GALNTL6: variants seen among roughly 807,000 people sequenced by gnomAD.
The protein encoded by GALNTL6 is polypeptide N-acetylgalactosaminyltransferase-like 6.
In GALNTL6, 46 loss-of-function variants were observed where a neutral mutation model predicts 73.7. That is an observed-to-expected ratio of 0.62 (90% CI 0.49 to 0.80). GALNTL6 has a LOEUF of 0.80. Ranked by LOEUF, GALNTL6 falls within the 30% of genes least tolerant of loss-of-function variation. The probability of loss-of-function intolerance (pLI) is 0.00; values close to 1 mark genes in which losing one functional copy is unlikely to be tolerated. For synonymous variants in GALNTL6, 259 were observed against 263.7 expected, an observed-to-expected ratio of 0.98 and a Z score of 0.17; for missense variants, 604 against 755.0, an observed-to-expected ratio of 0.80 and a Z score of 2.34.
At chr4:172,162,425 T>G (rs1734499868) in intron 2 of GALNTL6, among the ~76,000 whole-genome samples, 1 of 152,006 alleles carries the variant, frequency 6.6e-6, no homozygotes, top group African/African-American at 2.4e-5. Flanking sequence ...ACAGTATCAT[T>G]GCTTCCTGGT....
intron 5 of GALNTL6, among the ~76,000 whole-genome samples, chr4:172,408,042 C>G (rs879297266): frequency 1.9e-4 from 29 of 151,978 alleles, no homozygotes; most frequent in Non-Finnish European, 3.8e-4. Context: ...CTTTTTCTTG[C>G]TAATACATAA....
intron 2 of GALNTL6, among the ~76,000 whole-genome samples, chr4:171,997,377 C>T (rs183584570): frequency 4.6e-5 from 7 of 152,062 alleles, no homozygotes; most frequent in South Asian, 2.1e-4. Flanking sequence ...CCTTGATTTA[C>T]GATGGGGTTA....
chr4:172,952,315 T>A, intron 10 of GALNTL6, 57 bp downstream of exon 10: 1 of 1,248,778 alleles, frequency 8.0e-7, no homozygotes, highest in South Asian at 1.3e-5. Flanking sequence ...GCCTCCCCCA[T>A]AGCCTCAGGT....
intron 2 of GALNTL6, among the ~76,000 whole-genome samples, chr4:171,980,616 C>T (rs1410287464): frequency 2.0e-5 from 3 of 152,118 alleles, no homozygotes; most frequent in Non-Finnish European, 4.4e-5. Flanking sequence ...ATGAAGAAGG[C>T]GACATCAAAC....
intron 5 of GALNTL6, among the ~76,000 whole-genome samples, chr4:172,744,433 AC>A (rs1736977010): frequency 6.6e-6 from 1 of 151,930 alleles, no homozygotes; most frequent in Admixed American, 6.6e-5. Context: ...GGAAACTGGA[AC>A]CCCCTTAAAT....
At chr4:172,302,070 G>A (rs565951743) in intron 3 of GALNTL6, among the ~76,000 whole-genome samples, 11 of 152,166 alleles carry the variant, frequency 7.2e-5, no homozygotes, top group South Asian at 4.1e-4. Flanking sequence ...CAGCAATGGC[G>A]GGCACCCCTT....
intron 5 of GALNTL6, among the ~76,000 whole-genome samples, chr4:172,407,740 A>G (rs930015070): frequency 2.6e-5 from 4 of 152,148 alleles, no homozygotes; most frequent in East Asian, 1.9e-4. Context: ...AAGTAACCAT[A>G]TACATCATTA....
chr4:171,961,015 A>T (rs564973886), intron 2 of GALNTL6, among the ~76,000 whole-genome samples: 1 of 152,160 alleles, frequency 6.6e-6, no homozygotes, highest in South Asian at 2.1e-4. Context: ...CTTTCTTGTG[A>T]GAGATCCAAG....
chr4:172,302,551 A>G (rs7678361), intron 3 of GALNTL6, among the ~76,000 whole-genome samples: 2,752 of 152,248 alleles, frequency 0.018, 88 homozygotes, highest in African/African-American at 0.063. Context: ...TTCTCCACCT[A>G]TCCTCATGAG....
intron 2 of GALNTL6, among the ~76,000 whole-genome samples, chr4:172,052,203 C>G (rs576285058): frequency 6.6e-6 from 1 of 152,308 alleles, no homozygotes; most frequent in South Asian, 2.1e-4. Context: ...GCTTCTAGCT[C>G]TGTTCTTATA....
chr4:172,649,213 A>T (rs1436807885), intron 5 of GALNTL6, among the ~76,000 whole-genome samples: 1 of 152,154 alleles, frequency 6.6e-6, no homozygotes, highest in Non-Finnish European at 1.5e-5. Context: ...AAACAAGAAC[A>T]ATACATTAGC....
intron 2 of GALNTL6, among the ~76,000 whole-genome samples, chr4:172,045,110 T>C (rs1742182067): frequency 6.6e-6 from 1 of 152,092 alleles, no homozygotes. Context: ...CTTCATTTAA[T>C]ATATTCTTTT....
chr4:172,378,661 G>T (rs1411288751), intron 5 of GALNTL6, among the ~76,000 whole-genome samples: 1 of 151,842 alleles, frequency 6.6e-6, no homozygotes, highest in Non-Finnish European at 1.5e-5. Flanking sequence ...TACTCTAGAA[G>T]TTTTTTTATC....
chr4:172,058,954 A>G (rs538383274), intron 2 of GALNTL6, among the ~76,000 whole-genome samples: 2 of 152,282 alleles, frequency 1.3e-5, no homozygotes, highest in South Asian at 2.1e-4. Context: ...AAAATTTTCT[A>G]TTGAGATGTG....
At chr4:173,026,342 T>G (rs1477547835) in intron 12 of GALNTL6, among the ~76,000 whole-genome samples, 3 of 152,200 alleles carry the variant, frequency 2.0e-5, no homozygotes, top group Non-Finnish European at 4.4e-5. Context: ...GGGAGTCAAT[T>G]TTTTGGTCAG....
intron 2 of GALNTL6, among the ~76,000 whole-genome samples, chr4:172,161,726 T>A (rs1734473821): frequency 6.6e-6 from 1 of 152,128 alleles, no homozygotes; most frequent in African/African-American, 2.4e-5. Flanking sequence ...GGATGCCCCA[T>A]AGAAGCTGGT....
At chr4:171,988,775 T>C (rs901846453) in intron 2 of GALNTL6, among the ~76,000 whole-genome samples, 42 of 152,106 alleles carry the variant, frequency 2.8e-4, no homozygotes, top group African/African-American at 9.9e-4. Flanking sequence ...GGATGGGATA[T>C]TGGCATTGAG....
chr4:172,533,653 A>C (rs1735246955), intron 5 of GALNTL6, among the ~76,000 whole-genome samples: 1 of 152,068 alleles, frequency 6.6e-6, no homozygotes. Context: ...TCTTTATTTT[A>C]AAGAATAAAT....
At chr4:172,995,514 T>C (rs1367207516) in intron 10 of GALNTL6, among the ~76,000 whole-genome samples, 3 of 152,216 alleles carry the variant, frequency 2.0e-5, no homozygotes, top group Admixed American at 2.0e-4. Context: ...CCGTAGATTC[T>C]TTCTCCCACA....
Sources: allele counts gnomAD v4.1 joint callset (sites outside exome capture counted in the v4.1 genomes callset), GRCh38; gene constraint gnomAD v4.1.1; transcripts MANE v1.5; gene names NCBI Gene and HGNC (gene_info 2026-07-23, HGNC 2026-07-21).